Variants in IMMP1L observed in about 807,000 individuals in gnomAD.
IMMP1L encodes the protein inner mitochondrial membrane peptidase subunit 1, also known as mitochondrial inner membrane protease subunit 1.
IMMP1L carries 24 observed loss-of-function variants against 21.8 expected under a neutral mutation model. That is an observed-to-expected ratio of 1.10 (90% CI 0.80 to 1.55). The LOEUF (loss-of-function observed/expected upper bound fraction) is 1.55. IMMP1L is among the 40% of genes most tolerant of loss of function. The probability of loss-of-function intolerance (pLI) is 0.00; values close to 1 mark genes in which losing one functional copy is unlikely to be tolerated. For synonymous variants in IMMP1L, 46 were observed against 62.8 expected, an observed-to-expected ratio of 0.73 and a Z score of 1.26; for missense variants, 195 against 200.7, an observed-to-expected ratio of 0.97 and a Z score of 0.17.
At chr11:31,452,894 G>A in intron 4 of IMMP1L, 1 of 590,572 alleles carries the variant, frequency 1.7e-6, no homozygotes, top group Middle Eastern at 7.1e-4. Flanking sequence ...GAGATGACAG[G>A]CGCCTGCCAC....
At chr11:31,436,904 C>A (rs1953142481) in intron 4 of IMMP1L, among the ~76,000 whole-genome samples, 1 of 152,192 alleles carries the variant, frequency 6.6e-6, no homozygotes, top group Non-Finnish European at 1.5e-5. Flanking sequence ...GCTAACTCCT[C>A]ATTACCTGAA....
chr11:31,486,068 T>TG (rs749167811), intron 1 of IMMP1L, among the ~76,000 whole-genome samples: 85 of 151,732 alleles, frequency 5.6e-4, no homozygotes, highest in Middle Eastern at 6.8e-3. Context: ...TTTTTTTTTT[T>TG]GTAATGACCT....
chr11:31,481,886 G>T (rs965725022), intron 1 of IMMP1L, among the ~76,000 whole-genome samples: 3 of 151,950 alleles, frequency 2.0e-5, no homozygotes, highest in African/African-American at 7.2e-5. Context: ...TGAAGTAACA[G>T]GGATTGTGTC....
At chr11:31,500,242 A>G (rs931384386) in intron 1 of IMMP1L, among the ~76,000 whole-genome samples, 7 of 152,060 alleles carry the variant, frequency 4.6e-5, no homozygotes, top group Non-Finnish European at 7.4e-5. Flanking sequence ...ATATTATTCC[A>G]CTGGTCCTTC....
chr11:31,471,321 C>T (rs984484683), intron 1 of IMMP1L, among the ~76,000 whole-genome samples: 8 of 152,122 alleles, frequency 5.3e-5, no homozygotes, highest in African/African-American at 1.9e-4. Context: ...ACCCGAGGAT[C>T]TTTCTCCCTC....
chr11:31,505,779 A>G (rs552952026), intron 1 of IMMP1L, among the ~76,000 whole-genome samples: 2 of 152,280 alleles, frequency 1.3e-5, no homozygotes, highest in South Asian at 4.1e-4. Flanking sequence ...AAAATGTCAG[A>G]ACGAAGACCT....
intron 1 of IMMP1L, among the ~76,000 whole-genome samples, chr11:31,468,910 C>T (rs1316039921): frequency 6.6e-6 from 1 of 152,112 alleles, no homozygotes; most frequent in Non-Finnish European, 1.5e-5. Context: ...AGTTGCACCA[C>T]TGTACATTTT....
intron 4 of IMMP1L, chr11:31,452,558 T>A (rs1419652304): frequency 1.0e-6 from 1 of 985,286 alleles, no homozygotes; most frequent in Non-Finnish European, 1.2e-6. Flanking sequence ...AGCAGCAAAC[T>A]GAGGAATTCC....
chr11:31,435,463 T>C (rs1167969154), intron 4 of IMMP1L, among the ~76,000 whole-genome samples: 2 of 152,250 alleles, frequency 1.3e-5, no homozygotes, highest in Non-Finnish European at 2.9e-5. Flanking sequence ...ATTTGACTTT[T>C]ATTGCATTTT....
intron 1 of IMMP1L, among the ~76,000 whole-genome samples, chr11:31,470,597 C>T (rs1283102648): frequency 1.3e-5 from 2 of 151,998 alleles, no homozygotes; most frequent in Non-Finnish European, 2.9e-5. Context: ...ATAGAACTAC[C>T]ATATGATCCA....
chr11:31,449,182 G>A, intron 4 of IMMP1L: 2 of 577,988 alleles, frequency 3.5e-6, no homozygotes, highest in Non-Finnish European at 4.4e-6. Context: ...TAAGGATTTA[G>A]TATATCAGCA....
At chr11:31,435,950 T>C (rs1953102742) in intron 4 of IMMP1L, among the ~76,000 whole-genome samples, 1 of 152,158 alleles carries the variant, frequency 6.6e-6, no homozygotes, top group Admixed American at 6.5e-5. Flanking sequence ...TTTTTGTAAA[T>C]AATAACTAAT....
At chr11:31,459,420 A>G (rs1295776687) in intron 3 of IMMP1L, among the ~76,000 whole-genome samples, 1 of 152,202 alleles carries the variant, frequency 6.6e-6, no homozygotes, top group Non-Finnish European at 1.5e-5. Flanking sequence ...GCAGGCATAG[A>G]TTTTTTTCAG....
chr11:31,509,493 G>A, intron 1 of IMMP1L, 26 bp downstream of exon 1: 1 of 482,152 alleles, frequency 2.1e-6, no homozygotes, highest in South Asian at 2.5e-5. Context: ...CTCAAAAGGA[G>A]AAGAACGTTA....
At chr11:31,458,618 A>G (rs537436390) in intron 3 of IMMP1L, among the ~76,000 whole-genome samples, 6 of 152,272 alleles carry the variant, frequency 3.9e-5, no homozygotes, top group African/African-American at 1.2e-4. Context: ...GGGGTCAAAG[A>G]TTCCCCTGAA....
intron 4 of IMMP1L, among the ~76,000 whole-genome samples, chr11:31,443,980 C>T (rs1420408479): frequency 1.3e-5 from 2 of 152,092 alleles, no homozygotes; most frequent in Non-Finnish European, 2.9e-5. Flanking sequence ...ATTCTCGTGG[C>T]GATTGCAAGA....
intron 4 of IMMP1L, among the ~76,000 whole-genome samples, chr11:31,444,981 C>T (rs1314820891): frequency 6.6e-6 from 1 of 152,086 alleles, no homozygotes; most frequent in Non-Finnish European, 1.5e-5. Context: ...ATACTATTGT[C>T]CCTGTGTTTT....
intron 1 of IMMP1L, among the ~76,000 whole-genome samples, chr11:31,507,824 T>A (rs1245183524): frequency 6.6e-6 from 1 of 152,182 alleles, no homozygotes; most frequent in Non-Finnish European, 1.5e-5. Context: ...ACAGTGTAGA[T>A]GTTATGTACT....
intron 1 of IMMP1L, among the ~76,000 whole-genome samples, chr11:31,466,857 G>A (rs1954373954): frequency 6.6e-6 from 1 of 152,036 alleles, no homozygotes. Flanking sequence ...ACTGTTGGAT[G>A]AATACGGTTA....
Sources: gnomAD v4.1 joint callset for allele counts (sites outside exome capture counted in the v4.1 genomes callset) on GRCh38, gnomAD v4.1.1 for gene constraint, MANE v1.5 for transcripts, NCBI Gene and HGNC (gene_info 2026-07-23, HGNC 2026-07-21) for gene names.